EYS: variants seen among roughly 807,000 people sequenced by gnomAD.
EYS encodes EGF-like photoreceptor maintenance factor.
A neutral mutation model predicts 282.1 loss-of-function variants in EYS; 250 were observed. That is an observed-to-expected ratio of 0.89 (90% CI 0.80 to 0.98). EYS has a LOEUF of 0.98. EYS is among the 50% of genes least tolerant of loss of function. The pLI is 0.00. For missense variants in EYS, 4,016 were observed against 3,709.0 expected (o/e 1.08, Z -2.15); for synonymous variants, 1,355 against 1,282.9 (o/e 1.06, Z -1.20).
At chr6:64,221,930 T>A (rs1169012855) in intron 31 of EYS, among the ~76,000 whole-genome samples, 2 of 152,100 alleles carry the variant, frequency 1.3e-5, no homozygotes, top group Non-Finnish European at 2.9e-5. Context: ...CTATCCCCTG[T>A]GGAGTAGTGG....
At chr6:63,757,772 G>A (rs1769527408) in intron 41 of EYS, among the ~76,000 whole-genome samples, 5 of 152,134 alleles carry the variant, frequency 3.3e-5, no homozygotes, top group Admixed American at 3.3e-4. Context: ...CCCCTGATAA[G>A]GGAGGATTCC....
chr6:64,311,749 C>A (rs1769713994), intron 29 of EYS, among the ~76,000 whole-genome samples: 1 of 152,122 alleles, frequency 6.6e-6, no homozygotes, highest in African/African-American at 2.4e-5. Context: ...GGTGTCAGCT[C>A]ACCCGGGAAG....
chr6:65,257,156 G>A (rs1166019348), intron 12 of EYS, among the ~76,000 whole-genome samples: 1 of 62,836 alleles, frequency 1.6e-5, no homozygotes, highest in Non-Finnish European at 2.9e-5. Context: ...GTTCATTGTA[G>A]ATTCTGGATA....
intron 8 of EYS, among the ~76,000 whole-genome samples, chr6:65,369,346 C>A (rs1265383683): frequency 2.2e-5 from 3 of 134,464 alleles, no homozygotes; most frequent in African/African-American, 8.0e-5. Flanking sequence ...ATATATATAT[C>A]TCATTCTGAA....
chr6:64,161,816 TG>T (rs1481045160), intron 31 of EYS, among the ~76,000 whole-genome samples: 4 of 152,188 alleles, frequency 2.6e-5, no homozygotes, highest in Admixed American at 6.5e-5. Flanking sequence ...AGCTGGTAGT[TG>T]TAAGATATTG....
intron 29 of EYS, among the ~76,000 whole-genome samples, chr6:64,339,067 T>A (rs903480837): frequency 6.6e-6 from 1 of 152,012 alleles, no homozygotes; most frequent in Non-Finnish European, 1.5e-5. Flanking sequence ...TTCTAGACAT[T>A]GGCTTAGGCA....
At chr6:65,603,483 A>G (rs958194658) in intron 2 of EYS, among the ~76,000 whole-genome samples, 3 of 151,976 alleles carry the variant, frequency 2.0e-5, no homozygotes, top group Non-Finnish European at 4.4e-5. Flanking sequence ...CTGAAGAAAG[A>G]TAGTTTTATA....
intron 12 of EYS, among the ~76,000 whole-genome samples, chr6:65,158,837 T>C (rs1296579464): frequency 6.6e-6 from 1 of 150,990 alleles, no homozygotes; most frequent in Non-Finnish European, 1.5e-5. Flanking sequence ...AATGCAACAC[T>C]TTCTGCCTTT....
At chr6:64,338,219 AC>A (rs1407429314) in intron 29 of EYS, among the ~76,000 whole-genome samples, 1 of 151,996 alleles carries the variant, frequency 6.6e-6, no homozygotes, top group African/African-American at 2.4e-5. Context: ...ATGATTGTTT[AC>A]CTCGAAAACC....
intron 35 of EYS, among the ~76,000 whole-genome samples, chr6:63,971,673 T>C (rs1042527906): frequency 2.6e-5 from 4 of 152,094 alleles, no homozygotes; most frequent in Non-Finnish European, 4.4e-5. Context: ...CCCAGAGAAT[T>C]TGTGAGAGAG....
At chr6:65,260,244 C>T (rs549546148) in intron 12 of EYS, among the ~76,000 whole-genome samples, 2 of 152,044 alleles carry the variant, frequency 1.3e-5, no homozygotes, top group South Asian at 2.1e-4. Flanking sequence ...CTTTATGATG[C>T]AATTACCTCC....
chr6:63,932,982 A>G (rs1764943000), intron 35 of EYS, among the ~76,000 whole-genome samples: 1 of 152,250 alleles, frequency 6.6e-6, no homozygotes. Flanking sequence ...TCAGTCTGCT[A>G]GAGTGGCTTA....
intron 37 of EYS, among the ~76,000 whole-genome samples, chr6:63,790,648 A>G (rs976442425): frequency 6.6e-6 from 1 of 152,234 alleles, no homozygotes; most frequent in African/African-American, 2.4e-5. Context: ...AAGAGAAAAC[A>G]TAGATTCAGG....
At chr6:64,859,219 CTAATATATTTATATTTATTAAATATAT>C (rs758399280) in intron 19 of EYS, among the ~76,000 whole-genome samples, 155 of 147,444 alleles carry the variant, frequency 1.1e-3, no homozygotes, top group Non-Finnish European at 1.8e-3. Flanking sequence ...ATATTTATAT[CTAATATATTTATATTTATTAAATATAT>C]TAATATATTT....
chr6:65,134,975 T>C (rs1255857022), intron 12 of EYS, among the ~76,000 whole-genome samples: 2 of 151,916 alleles, frequency 1.3e-5, no homozygotes, highest in Non-Finnish European at 2.9e-5. Flanking sequence ...TGATAGGAGA[T>C]TTGTAAGTTT....
chr6:64,189,290 T>C (rs541695527), intron 31 of EYS, among the ~76,000 whole-genome samples: 11 of 152,344 alleles, frequency 7.2e-5, no homozygotes, highest in African/African-American at 2.6e-4. Flanking sequence ...GGGCCAAATA[T>C]GGCCCACCAT....
At chr6:64,210,219 G>A (rs957213287) in intron 31 of EYS, among the ~76,000 whole-genome samples, 2 of 152,138 alleles carry the variant, frequency 1.3e-5, no homozygotes, top group Non-Finnish European at 2.9e-5. Flanking sequence ...AAAAATGGAT[G>A]GTAGCTATAT....
rs746509889 is a variant in EYS at position 64,590,388 on chromosome 6, G to C, written c.5479C>G (p.Leu1827Val). 1.5e-5 allele frequency: 23 copies of C among 1,551,146 alleles called. No homozygotes were observed. In the East Asian group the frequency reaches 5.4e-4, roughly 36 times the overall value. Residue 1827 changes from leucine (L) to valine (V), a missense_variant, in exon 26 of 43, where the codon CTT becomes GTT. Coordinates refer to ENST00000503581, the MANE Select transcript of EYS (RefSeq NM_001142800.2). Reference sequence around the variant, plus strand: ...GAAGAAGTCTTGACCTCTTTTTTAAGAGAGGTCATATAATCTGTAAAATAT... The same window carrying C: ...GAAGAAGTCTTGACCTCTTTTTTAACAGAGGTCATATAATCTGTAAAATAT... ...WPYFTDYMTS[L>V]KKEVKTSSEW...
chr6:64,116,264 A>T (rs1296593143), intron 31 of EYS, among the ~76,000 whole-genome samples: 1 of 152,170 alleles, frequency 6.6e-6, no homozygotes, highest in Non-Finnish European at 1.5e-5. Flanking sequence ...ACAGAAAAGG[A>T]AAGAACTTTT....
Sources: gnomAD v4.1 joint callset for allele counts (sites outside exome capture counted in the v4.1 genomes callset) on GRCh38, gnomAD v4.1.1 for gene constraint, MANE v1.5 for transcripts, NCBI Gene and HGNC (gene_info 2026-07-23, HGNC 2026-07-21) for gene names.